ANAPC4: variants seen among roughly 807,000 people sequenced by gnomAD.
The protein encoded by ANAPC4 is anaphase promoting complex subunit 4, also known as anaphase-promoting complex subunit 4.
Under a neutral mutation model 119.8 loss-of-function variants are expected in ANAPC4, and 63 were observed. The ratio of observed to expected loss-of-function variants is 0.53; its 90% CI spans 0.43 to 0.65. The LOEUF (loss-of-function observed/expected upper bound fraction) is 0.65, where lower values mean the gene tolerates loss of function less well. Among genes scored for constraint, ANAPC4 ranks in the 30% least tolerant of loss-of-function variants. The pLI is 0.00. For synonymous variants in ANAPC4, 283 were observed against 318.6 expected, an observed-to-expected ratio of 0.89 and a Z score of 1.19; for missense variants, 716 against 945.1, an observed-to-expected ratio of 0.76 and a Z score of 3.18.
Position 25,417,734 on chromosome 4 carries a change from T to G in ANAPC4, c.2194T>G (p.Cys732Gly). 6.2e-7 allele frequency: 1 copy of G among 1,610,356 alleles called. No homozygotes were observed. The highest frequency in any genetic ancestry group is 8.5e-7 in the Non-Finnish European group (1 of 1,178,748). ...TGGGAATGGTTTTCGAAAAGTGTCC[T>G]GTGTGGTAAGTGTTTAGAGATCGTT... is the stretch of plus-strand genomic sequence containing the variant. ...VAGNGFRKVS[C>G]VLSSNLRHVR... Residue 732 changes from cysteine to glycine, a missense_variant, in exon 28 of 29, where the codon TGT becomes GGT. Physicochemically the swap from Cys to Gly is radical, Grantham distance 159. Coordinates refer to ENST00000315368, the MANE Select transcript of ANAPC4 (RefSeq NM_013367.3).
Position 25,377,306 on chromosome 4 carries a change from A to C in ANAPC4, c.-49A>C. 1 of 1,368,570 alleles carries C rather than the reference A, an allele frequency of 7.3e-7. No homozygotes were observed. Among genetic ancestry groups the C allele is most frequent in the Non-Finnish European group, 9.8e-7 (1 of 1,020,454 alleles). 84.8% of individuals were successfully genotyped at this position (1,368,570 alleles called of 1,614,324 possible). A position where few individuals can be genotyped will look rare whatever the true frequency, so the allele number is the denominator to read the frequency against. On this transcript the variant is annotated 5_prime_UTR_variant, in exon 1 of 29. Transcript: ENST00000315368. ...GGCCGGCAGAGGGAGGGGAGAGGCC[A>C]CTGGGGCCGTGTTAGTCTGCCGGTG...
chr4:25,405,711 G>A lies in ANAPC4; in HGVS notation c.1317+92G>A, dbSNP rs1055632430. On this transcript the variant is annotated intron_variant, in intron 18 of 28. Coordinates refer to ENST00000315368, the MANE Select transcript of ANAPC4 (RefSeq NM_013367.3). This position sits in a 1 kb window ranked among gnomAD's most constrained non-coding sequence, Gnocchi z 4.6. ...TTTTGGTACTCTTATTCAGTTATTA[G>A]TTAACAGGATGTCAGGATGTAGACG... 8.9e-6 allele frequency: 11 copies of A among 1,235,260 alleles called. No homozygotes were observed. The Admixed American group carries it at 1.5e-4, about 16-fold the overall frequency. The allele number at this position is 1,235,260 out of a possible 1,614,324, so 76.5% of individuals were successfully genotyped here. A position where few individuals can be genotyped will look rare whatever the true frequency, so the allele number is the denominator to read the frequency against.
intron 2 of ANAPC4, 67 bp from the exon 3 acceptor site, chr4:25,380,307 A>G (rs1721640829): frequency 7.7e-7 from 1 of 1,298,622 alleles, no homozygotes; most frequent in African/African-American, 1.5e-5. Flanking sequence ...TTTAGTAGGG[A>G]TCTAGGTTTA....
intron 18 of ANAPC4, among the ~76,000 whole-genome samples, chr4:25,406,497 G>A (rs1379657159): frequency 6.6e-6 from 1 of 152,140 alleles, no homozygotes; most frequent in East Asian, 1.9e-4. Context: ...CATCTTATCT[G>A]GGGTCCAGTT....
At chr4:25,388,406 A>ATGTTG in intron 4 of ANAPC4, 94 bp from the exon 5 acceptor site, 1 of 826,002 alleles carries the variant, frequency 1.2e-6, no homozygotes, top group South Asian at 1.6e-5. Flanking sequence ...TAATGTTGTA[A>ATGTTG]AACTGGGTAT....
At chr4:25,399,139 T>C (rs1279810824) in intron 16 of ANAPC4, among the ~76,000 whole-genome samples, 1 of 152,116 alleles carries the variant, frequency 6.6e-6, no homozygotes, top group Admixed American at 6.5e-5. Context: ...GTATGTTGTT[T>C]ATATCAGGTG....
At chr4:25,380,524 G>C (rs1377604257) in intron 3 of ANAPC4, 45 bp downstream of exon 3, 1 of 1,436,088 alleles carries the variant, frequency 7.0e-7, no homozygotes, top group Non-Finnish European at 9.6e-7. Context: ...TTTTCACAAA[G>C]AGTATTCTGT....
At chr4:25,392,603 C>T (rs75981512) in intron 10 of ANAPC4, among the ~76,000 whole-genome samples, 182 bp downstream of exon 10, 5,230 of 152,168 alleles carry the variant, frequency 0.034, 302 homozygotes, top group African/African-American at 0.12. Context: ...CTACTTTCAC[C>T]GCACCCTATT....
intron 10 of ANAPC4, among the ~76,000 whole-genome samples, chr4:25,393,558 A>G (rs1298186345): frequency 6.6e-6 from 1 of 152,150 alleles, no homozygotes; most frequent in Non-Finnish European, 1.5e-5. Context: ...GCTACTTGGG[A>G]GGCTGAGGCA....
chr4:25,394,539 A>G lies in ANAPC4; in HGVS notation c.942-132A>G. The G allele has an allele frequency of 1.0e-5, 11 of 1,082,642 alleles. No individual in the cohort carries two copies. The South Asian group carries it at 1.5e-4, about 15-fold the overall frequency. The allele number at this position is 1,082,642 out of a possible 1,614,324, so 67.1% of individuals were successfully genotyped here. On this transcript the variant is annotated intron_variant, in intron 12 of 28. Transcript: ENST00000315368. ...ACTTACGGGGTATATGTGATGTTAC[A>G]TGCGTAGAATTTTTTGTGGGGCTAT...
In ANAPC4 at chr4:25,377,312, G is replaced by T. The variant is rs1721450832; in HGVS notation, c.-43G>T. ...CAGAGGGAGGGGAGAGGCCACTGGG[G>T]CCGTGTTAGTCTGCCGGTGGGGACT... On this transcript the variant is annotated 5_prime_UTR_variant, in exon 1 of 29. Transcript: ENST00000315368. 2 of 1,409,514 alleles carry T rather than the reference G, an allele frequency of 1.4e-6. No homozygotes were observed. Among genetic ancestry groups the T allele is most frequent in the East Asian group, 2.4e-5 (1 of 41,172 alleles). The allele number at this position is 1,409,514 out of a possible 1,614,324, so 87.3% of individuals were successfully genotyped here.
chr4:25,389,915 A>AT (rs200018334), intron 7 of ANAPC4, among the ~76,000 whole-genome samples: 12 of 151,468 alleles, frequency 7.9e-5, no homozygotes, highest in African/African-American at 2.2e-4. Flanking sequence ...CTGTAAGCTG[A>AT]TTTTTTTTTA....
chr4:25,411,877 G>A (rs1378983456), intron 21 of ANAPC4, among the ~76,000 whole-genome samples: 4 of 152,028 alleles, frequency 2.6e-5, no homozygotes, highest in African/African-American at 4.8e-5. Context: ...TGACACCAAC[G>A]GGGTGTCCTA....
At chr4:25,410,440 G>A (rs1407610826) in intron 21 of ANAPC4, among the ~76,000 whole-genome samples, 3 of 152,088 alleles carry the variant, frequency 2.0e-5, no homozygotes, top group Non-Finnish European at 4.4e-5. Context: ...AACATTTATG[G>A]GGTGCTTAGT....
intron 17 of ANAPC4, among the ~76,000 whole-genome samples, chr4:25,403,413 G>A (rs1723084581): frequency 6.6e-6 from 1 of 152,056 alleles, no homozygotes; most frequent in African/African-American, 2.4e-5. Flanking sequence ...CTAACTTGTA[G>A]TCTGTTATCC....
In ANAPC4 at chr4:25,407,765, C is replaced by T. The variant is rs1221493822; in HGVS notation, c.1431+512C>T. Among the ~76,000 whole-genome samples the T allele has an allele frequency of 3.3e-5, 5 of 151,962 alleles. No individual in the cohort carries two copies. The East Asian group carries it at 5.8e-4, about 18-fold the overall frequency. On this transcript the variant is annotated intron_variant, in intron 20 of 28. Coordinates refer to ENST00000315368, the MANE Select transcript of ANAPC4 (RefSeq NM_013367.3). ...AATATACCAGCCAGGCATTGTGGCT[C>T]ATGCCTATAATCCCAGCTACTCGAG...
intron 16 of ANAPC4, among the ~76,000 whole-genome samples, chr4:25,401,813 G>A (rs941361143): frequency 2.0e-5 from 3 of 152,206 alleles, no homozygotes; most frequent in African/African-American, 7.2e-5. Context: ...AGAAGGTAGA[G>A]GCTGTAGATG....
chr4:25,400,376 G>T (rs1459109160), intron 16 of ANAPC4, among the ~76,000 whole-genome samples: 1 of 151,992 alleles, frequency 6.6e-6, no homozygotes, highest in Non-Finnish European at 1.5e-5. Flanking sequence ...GAGAGAGGAG[G>T]GTCACAGAGG....
intron 16 of ANAPC4, among the ~76,000 whole-genome samples, chr4:25,398,271 AG>A (rs890746964): frequency 1.3e-5 from 2 of 152,212 alleles, no homozygotes; most frequent in African/African-American, 4.8e-5. Flanking sequence ...TACAGTGATA[AG>A]TAATGTTGAG....
Sources: allele counts gnomAD v4.1 joint callset (sites outside exome capture counted in the v4.1 genomes callset), GRCh38; gene constraint gnomAD v4.1.1; non-coding constraint Gnocchi (gnomAD v3.1); transcripts MANE v1.5; gene names NCBI Gene and HGNC (gene_info 2026-07-23, HGNC 2026-07-21).